TLE4: variants seen among roughly 807,000 people sequenced by gnomAD.
The protein encoded by TLE4 is TLE family member 4, transcriptional corepressor.
TLE4 carries 8 observed loss-of-function variants against 92.8 expected under a neutral mutation model. The observed-to-expected ratio is 0.09, with a 90% CI of 0.05 to 0.16. The LOEUF (loss-of-function observed/expected upper bound fraction) is 0.16, where lower values mean the gene tolerates loss of function less well. Among genes scored for constraint, TLE4 ranks in the 10% least tolerant of loss-of-function variants. The pLI is 1.00. For missense variants in TLE4, 675 were observed against 997.6 expected (o/e 0.68, Z 4.36); for synonymous variants, 371 against 374.1 (o/e 0.99, Z 0.10).
At chr9:79,599,119 T>A (rs547613750) in intron 4 of TLE4, among the ~76,000 whole-genome samples, 151 of 152,280 alleles carry the variant, frequency 9.9e-4, no homozygotes, top group Non-Finnish European at 1.8e-3. Flanking sequence ...AGGACAGAAA[T>A]GCACTGTGGT....
At chr9:79,652,540 A>C in intron 6 of TLE4, 53 bp from the exon 7 acceptor site, 1 of 1,592,324 alleles carries the variant, frequency 6.3e-7, no homozygotes, top group South Asian at 1.1e-5. Flanking sequence ...CTCTTGGGGC[A>C]GGGGTTGGAT....
chr9:79,608,109 A>G (rs1293796723), intron 4 of TLE4, among the ~76,000 whole-genome samples: 1 of 152,090 alleles, frequency 6.6e-6, no homozygotes, highest in Non-Finnish European at 1.5e-5. Flanking sequence ...ACTATGTTGA[A>G]TAGGAGTTAA....
intron 4 of TLE4, among the ~76,000 whole-genome samples, chr9:79,599,751 G>A (rs554922351): frequency 6.6e-6 from 1 of 152,250 alleles, no homozygotes; most frequent in South Asian, 2.1e-4. Context: ...TGCAACATGT[G>A]GTATAGAAAA....
rs2076311064 is a variant in TLE4, at chr9:79,725,611, A to G, written c.*467A>G. The G allele has an allele frequency of 6.5e-6, 1 of 153,594 alleles. No homozygotes were observed. The highest frequency in any genetic ancestry group is 1.5e-5 in the Non-Finnish European group (1 of 68,726). The allele number at this position is 153,594 out of a possible 1,614,324, so 9.5% of individuals were successfully genotyped here. On this transcript the variant is annotated 3_prime_UTR_variant, in exon 20 of 20. Coordinates refer to ENST00000376552, the MANE Select transcript of TLE4 (RefSeq NM_007005.6). ...TCACTAAGTGTAGACTGATGACTGT[A>G]TAGAGATGTGAAATGTATAATTACA...
At chr9:79,588,923 G>A (rs529249462) in intron 4 of TLE4, among the ~76,000 whole-genome samples, 2 of 152,326 alleles carry the variant, frequency 1.3e-5, no homozygotes, top group African/African-American at 4.8e-5. Flanking sequence ...AATTAGGGAG[G>A]TACTGTGCTA....
At chr9:79,627,728 T>A in intron 6 of TLE4, 1 of 390,854 alleles carries the variant, frequency 2.6e-6, no homozygotes, top group Non-Finnish European at 4.6e-6. Flanking sequence ...CAGCTTGTGT[T>A]GCTAACCTAG....
chr9:79,660,533 T>C (rs1336550619), intron 8 of TLE4, among the ~76,000 whole-genome samples: 2 of 152,264 alleles, frequency 1.3e-5, no homozygotes, highest in East Asian at 1.9e-4. Context: ...TTAAGTGTTT[T>C]AGCATTGCTA....
chr9:79,576,778 T>C (rs1238743663), intron 4 of TLE4: 2 of 151,068 alleles, frequency 1.3e-5, no homozygotes, highest in Non-Finnish European at 2.9e-5. Flanking sequence ...CAACATTGGG[T>C]CTTGAAATCT....
chr9:79,637,963 G>T (rs938804303), intron 6 of TLE4, among the ~76,000 whole-genome samples: 2 of 152,118 alleles, frequency 1.3e-5, no homozygotes, highest in Admixed American at 6.6e-5. Flanking sequence ...ATAGGATTGT[G>T]CAAAATCCTG....
intron 1 of TLE4, chr9:79,573,312 C>T (rs1024148438): frequency 9.5e-7 from 1 of 1,049,830 alleles, no homozygotes; most frequent in Non-Finnish European, 1.2e-6. Context: ...CCTCCCCCGG[C>T]CTGACCGCAG....
Position 79,652,579 on chromosome 9 carries a change from A to T in TLE4, c.391-14A>T. On this transcript the variant is annotated splice_polypyrimidine_tract_variant and intron_variant, in intron 6 of 19. Coordinates refer to ENST00000376552, the MANE Select transcript of TLE4 (RefSeq NM_007005.6). Reference sequence around the variant, plus strand: ...GGGGCAAATTCAATATCTGTGTTTAATTTTTCACAGCAGCAACAACTCCAG... The same window carrying T: ...GGGGCAAATTCAATATCTGTGTTTATTTTTTCACAGCAGCAACAACTCCAG... 19 of 1,613,660 alleles carry T rather than the reference A, an allele frequency of 1.2e-5. No homozygotes were observed. The highest frequency in any genetic ancestry group is 1.5e-5 in the Non-Finnish European group (18 of 1,179,836).
At chr9:79,679,367 C>A (rs2063949940) in intron 8 of TLE4, among the ~76,000 whole-genome samples, 1 of 152,072 alleles carries the variant, frequency 6.6e-6, no homozygotes, top group East Asian at 1.9e-4. Context: ...TCTCTGATGG[C>A]CAGTGATGAT....
chr9:79,587,211 A>G (rs1468167052), intron 4 of TLE4, among the ~76,000 whole-genome samples: 1 of 152,204 alleles, frequency 6.6e-6, no homozygotes, highest in Non-Finnish European at 1.5e-5. Flanking sequence ...ATTTTATTGC[A>G]TTTCATGTAG....
At chr9:79,649,554 G>A (rs1478372985) in intron 6 of TLE4, 2 of 180,918 alleles carry the variant, frequency 1.1e-5, no homozygotes, top group Non-Finnish European at 2.3e-5. Context: ...GAGAGTTGGA[G>A]AGTTGAAGGA....
chr9:79,707,635 T>A (rs561386129), intron 11 of TLE4, among the ~76,000 whole-genome samples: 39 of 152,364 alleles, frequency 2.6e-4, no homozygotes, highest in African/African-American at 9.4e-4. Flanking sequence ...GTTGTTTTTT[T>A]AAATTTTATT....
chr9:79,638,567 T>G (rs958002713), intron 6 of TLE4, among the ~76,000 whole-genome samples: 5 of 152,084 alleles, frequency 3.3e-5, no homozygotes, highest in African/African-American at 1.2e-4. Context: ...TCTTGGTAGA[T>G]TCATAAAAAT....
chr9:79,646,151 G>A (rs182237594), intron 6 of TLE4, among the ~76,000 whole-genome samples: 1 of 151,810 alleles, frequency 6.6e-6, no homozygotes, highest in African/African-American at 2.4e-5. Flanking sequence ...GTGTTATACT[G>A]TGTACTCTTA....
Position 79,572,683 on chromosome 9 carries a change from CT to C in TLE4, c.-107del. 1 of 1,215,296 alleles carries C rather than the reference CT, an allele frequency of 8.2e-7. No individual in the cohort carries two copies. The highest frequency in any genetic ancestry group is 1.2e-6 in the Non-Finnish European group (1 of 861,174). The allele number at this position is 1,215,296 out of a possible 1,614,324, so 75.3% of individuals were successfully genotyped here. On this transcript the variant is annotated 5_prime_UTR_variant, in exon 1 of 20. The change creates a premature stop within an existing upstream ORF in the 5' untranslated region. Coordinates refer to ENST00000376552, the MANE Select transcript of TLE4 (RefSeq NM_007005.6). ...GGGGCCGGGACCGCCCGAGCCGCCC[CT>C]CAGACCGAGCCGGCCGCCTCCGCTG...
Position 79,573,856 on chromosome 9 carries a change from CACTT to C in TLE4, c.143+73_143+76del, listed in dbSNP as rs779169030. The C allele has an allele frequency of 2.5e-4, 280 of 1,120,244 alleles. 2 individuals are homozygous for C. The highest frequency in any genetic ancestry group is 1.0e-3 in the Middle Eastern group (4 of 3,818). The allele number at this position is 1,120,244 out of a possible 1,614,324, so 69.4% of individuals were successfully genotyped here. A position where few individuals can be genotyped will look rare whatever the true frequency, so the allele number is the denominator to read the frequency against. On this transcript the variant is annotated intron_variant, in intron 2 of 19. Transcript: ENST00000376552. ...TGTCTCCCCGACAAATACACACAAA[CACTT>C]ACCCTCCTCCTTTTTTGTGGGGGCG...
Sources: gnomAD v4.1 joint callset for allele counts (sites outside exome capture counted in the v4.1 genomes callset) on GRCh38, gnomAD v4.1.1 for gene constraint, MANE v1.5 for transcripts, NCBI Gene and HGNC (gene_info 2026-07-23, HGNC 2026-07-21) for gene names.